CACNA1C: variants seen among roughly 807,000 people sequenced by gnomAD.
CACNA1C encodes the protein calcium voltage-gated channel subunit alpha1 C.
In CACNA1C, 30 loss-of-function variants were observed where a neutral mutation model predicts 229.0. The observed-to-expected ratio is 0.13, with a 90% CI of 0.10 to 0.18. The LOEUF is 0.18. Ranked by LOEUF, CACNA1C falls within the 10% of genes least tolerant of loss-of-function variation. The pLI, the probability that CACNA1C is intolerant of heterozygous loss-of-function variation, is 1.00. For missense variants in CACNA1C, 1,658 were observed against 2,845.0 expected (o/e 0.58, Z 9.49); for synonymous variants, 1,114 against 1,132.5 (o/e 0.98, Z 0.33).
At chr12:1,993,175 A>G in intron 1 of CACNA1C, 2 of 1,581,266 alleles carry the variant, frequency 1.3e-6, no homozygotes, top group Non-Finnish European at 1.7e-6. Flanking sequence ...CTGATACCAA[A>G]TGCAAACACA....
At chr12:2,491,656 G>A (rs866290280) in intron 6 of CACNA1C, among the ~76,000 whole-genome samples, 2 of 144,658 alleles carry the variant, frequency 1.4e-5, no homozygotes, top group Non-Finnish European at 3.1e-5. Flanking sequence ...AGGAGGAAGA[G>A]GAGGAGGAGG....
At chr12:2,606,848 G>A in intron 25 of CACNA1C, 136 bp from the exon 26 acceptor site, 1 of 1,101,286 alleles carries the variant, frequency 9.1e-7, no homozygotes, top group South Asian at 1.5e-5. Flanking sequence ...TCTGCCCACT[G>A]AAGCTCCTCC....
At position 2,594,301 on chromosome 12, in the gene CACNA1C, C is replaced by T. The variant is rs550773320; in HGVS notation, c.2663+956C>T. On this transcript the variant is annotated intron_variant, in intron 19 of 46. Transcript: ENST00000399655. ...ATTGCTTCTTTTTAATTCTATATTT[C>T]TTCCTTCTGACACTCCAATTGGACA... Among the ~76,000 whole-genome samples the T allele has an allele frequency of 3.9e-5, 6 of 152,302 alleles. No individual in the cohort carries two copies. The South Asian group carries it at 1.2e-3, about 32-fold the overall frequency.
chr12:2,140,398 T>G (rs188408612), intron 3 of CACNA1C, among the ~76,000 whole-genome samples: 1 of 151,420 alleles, frequency 6.6e-6, no homozygotes, highest in Admixed American at 6.6e-5. Context: ...TCGATGAGTA[T>G]TTGCTGAATA....
At chr12:2,224,726 A>G (rs930348482) in intron 3 of CACNA1C, among the ~76,000 whole-genome samples, 9 of 152,176 alleles carry the variant, frequency 5.9e-5, no homozygotes, top group Non-Finnish European at 1.0e-4. Flanking sequence ...TAAACAGGTC[A>G]GTGTTGGAGA....
chr12:2,643,693 T>A, intron 30 of CACNA1C, among the ~76,000 whole-genome samples: 1 of 152,074 alleles, frequency 6.6e-6, no homozygotes, highest in South Asian at 2.1e-4. Context: ...GAAGGGGAGA[T>A]AAAAGGATCG....
At chr12:2,501,297 T>C (rs1055368170) in intron 7 of CACNA1C, among the ~76,000 whole-genome samples, 9 of 150,852 alleles carry the variant, frequency 6.0e-5, no homozygotes, top group Non-Finnish European at 1.2e-4. Context: ...TAGCAGGACT[T>C]ACTCTGAGAG....
intron 9 of CACNA1C, among the ~76,000 whole-genome samples, chr12:2,546,823 G>A (rs988222247): frequency 6.6e-6 from 1 of 152,248 alleles, no homozygotes; most frequent in Non-Finnish European, 1.5e-5. Context: ...TGAGCCCTAG[G>A]CCTTTGATGG....
chr12:2,567,202 G>T (rs1286983095), intron 12 of CACNA1C, among the ~76,000 whole-genome samples: 4 of 152,218 alleles, frequency 2.6e-5, no homozygotes, highest in African/African-American at 9.7e-5. Flanking sequence ...GACTCAGACA[G>T]TGCGGCTCCA....
chr12:2,120,266 A>G, intron 2 of CACNA1C, 59 bp from the exon 3 acceptor site: 2 of 865,358 alleles, frequency 2.3e-6, no homozygotes, highest in East Asian at 2.4e-5. Context: ...AAATATGTAG[A>G]TTATGTTTGT....
At chr12:2,434,081 G>A (rs2099111633) in intron 3 of CACNA1C, among the ~76,000 whole-genome samples, 1 of 152,164 alleles carries the variant, frequency 6.6e-6, no homozygotes, top group African/African-American at 2.4e-5. Context: ...GGGGGATGCT[G>A]CACTGGGGAG....
At position 2,666,348 on chromosome 12, in the gene CACNA1C, C is replaced by T. The variant is rs572375472; in HGVS notation, c.4527-338C>T. 5.3e-5 allele frequency among the ~76,000 whole-genome samples: 8 copies of T among 152,308 alleles called. No individual in the cohort carries two copies. Among genetic ancestry groups the T allele is most frequent in the East Asian group, 3.9e-4 (2 of 5,186 alleles). On this transcript the variant is annotated intron_variant, in intron 36 of 46. Coordinates refer to ENST00000399655, the MANE Select transcript of CACNA1C (RefSeq NM_000719.7). This position sits in a 1 kb window ranked among gnomAD's most constrained non-coding sequence, Gnocchi z 5.3. ...TTCTGGTCTAAAGATCAATCACATT[C>T]GGCTGACCCTCAGTAAATACCTTTT...
At chr12:2,659,327 G>T (rs1240376977) in intron 34 of CACNA1C, among the ~76,000 whole-genome samples, 6 of 152,056 alleles carry the variant, frequency 3.9e-5, no homozygotes, top group Admixed American at 3.9e-4. Context: ...ACTTACCATT[G>T]TGTTCCAGTT....
intron 29 of CACNA1C, among the ~76,000 whole-genome samples, chr12:2,625,336 C>G (rs1045157123): frequency 6.6e-6 from 1 of 152,218 alleles, no homozygotes; most frequent in Non-Finnish European, 1.5e-5. Flanking sequence ...ACTGTGGTTT[C>G]CGTCTCTGGC....
intron 1 of CACNA1C, among the ~76,000 whole-genome samples, chr12:2,019,041 G>A (rs1565939668): frequency 6.6e-6 from 1 of 152,192 alleles, no homozygotes; most frequent in Non-Finnish European, 1.5e-5. Flanking sequence ...TGTTAAAGGG[G>A]AAAAAGGAGA....
intron 3 of CACNA1C, among the ~76,000 whole-genome samples, chr12:2,137,740 C>A (rs1216483581): frequency 1.3e-5 from 2 of 151,042 alleles, no homozygotes; most frequent in African/African-American, 4.8e-5. Flanking sequence ...TCCTCAGCCT[C>A]CTCTCAAGAT....
chr12:2,524,691 T>A (rs2154580877), intron 9 of CACNA1C, among the ~76,000 whole-genome samples: 1 of 152,350 alleles, frequency 6.6e-6, no homozygotes, highest in African/African-American at 2.4e-5. Flanking sequence ...GTCTCCCCTG[T>A]CTGCTCTGCA....
intron 3 of CACNA1C, among the ~76,000 whole-genome samples, chr12:2,298,025 C>G (rs2094218647): frequency 6.6e-6 from 1 of 152,152 alleles, no homozygotes; most frequent in Non-Finnish European, 1.5e-5. Context: ...TGGGTAACAT[C>G]TAAAGGAGAC....
At chr12:2,261,613 T>C (rs1487537521) in intron 3 of CACNA1C, among the ~76,000 whole-genome samples, 1 of 152,236 alleles carries the variant, frequency 6.6e-6, no homozygotes, top group African/African-American at 2.4e-5. Flanking sequence ...GACAAGTGTT[T>C]AGTATAACAC....
Sources: allele counts gnomAD v4.1 joint callset (sites outside exome capture counted in the v4.1 genomes callset), GRCh38; gene constraint gnomAD v4.1.1; non-coding constraint Gnocchi (gnomAD v3.1); transcripts MANE v1.5; gene names NCBI Gene and HGNC (gene_info 2026-07-23, HGNC 2026-07-21).